Variants in MTA3 observed in about 807,000 individuals in gnomAD.
The protein encoded by MTA3 is metastasis associated 1 family member 3, also known as metastasis-associated protein MTA3.
Under a neutral mutation model 83.5 loss-of-function variants are expected in MTA3, and 34 were observed. That is an observed-to-expected ratio of 0.41 (90% CI 0.31 to 0.54). MTA3 has a LOEUF of 0.54. Among genes scored for constraint, MTA3 ranks in the 20% least tolerant of loss-of-function variants. The pLI, the probability that MTA3 is intolerant of heterozygous loss-of-function variation, is 0.33. For synonymous variants in MTA3, 303 were observed against 252.7 expected (o/e 1.20, Z -1.89); for missense variants, 761 against 726.4 (o/e 1.05, Z -0.55).
chr2:42,748,408 C>G (rs2104600271), intron 16 of MTA3, among the ~76,000 whole-genome samples: 1 of 152,244 alleles, frequency 6.6e-6, no homozygotes, highest in South Asian at 2.1e-4. Context: ...AGTGTGTACT[C>G]TATTTGTCAT....
At chr2:42,531,039 A>C (rs940577987) in intron 2 of MTA3, among the ~76,000 whole-genome samples, 1 of 152,178 alleles carries the variant, frequency 6.6e-6, no homozygotes, top group Non-Finnish European at 1.5e-5. Context: ...CATGTTGGCC[A>C]GGCTGGTCCT....
chr2:42,560,592 A>AACACAC (rs368564576), intron 2 of MTA3, among the ~76,000 whole-genome samples: 1,556 of 149,382 alleles, frequency 0.01, 20 homozygotes, highest in African/African-American at 0.035. Flanking sequence ...AAACAAACAA[A>AACACAC]ACACACACAC....
intron 6 of MTA3, among the ~76,000 whole-genome samples, chr2:42,645,696 A>C (rs1414472723): frequency 6.6e-6 from 1 of 152,300 alleles, no homozygotes; most frequent in Middle Eastern, 3.4e-3. Flanking sequence ...AATTCTGTGA[A>C]GACTGAGAGG....
chr2:42,717,231 T>C (rs1667094908), intron 14 of MTA3, among the ~76,000 whole-genome samples: 2 of 150,914 alleles, frequency 1.3e-5, no homozygotes, highest in Admixed American at 6.6e-5. Flanking sequence ...ATTTTAACTC[T>C]AGTAGAGCAA....
At chr2:42,711,128 T>C (rs1417045802) in intron 14 of MTA3, among the ~76,000 whole-genome samples, 1 of 152,014 alleles carries the variant, frequency 6.6e-6, no homozygotes, top group African/African-American at 2.4e-5. Context: ...AGAATGAAAA[T>C]GAATGAGACT....
chr2:42,672,003 C>G (rs1331712384), intron 8 of MTA3, among the ~76,000 whole-genome samples: 1 of 152,184 alleles, frequency 6.6e-6, no homozygotes, highest in Non-Finnish European at 1.5e-5. Context: ...TTACACTTTT[C>G]AGAGGGATCA....
chr2:42,687,177 C>T (rs966040359), intron 9 of MTA3, among the ~76,000 whole-genome samples: 1 of 152,124 alleles, frequency 6.6e-6, no homozygotes, highest in Admixed American at 6.6e-5. Flanking sequence ...ACAGTTTCAT[C>T]ACCTCTCCCG....
At chr2:42,515,870 G>A (rs1281279746) in intron 2 of MTA3, among the ~76,000 whole-genome samples, 4 of 138,746 alleles carry the variant, frequency 2.9e-5, no homozygotes, top group Admixed American at 7.5e-5. Context: ...CAAGAGTCTC[G>A]CTCTGTCATT....
At chr2:42,667,572 G>GTGTGTGTGTGTGTGTGTGTGTGTT (rs1558562134) in intron 8 of MTA3, among the ~76,000 whole-genome samples, 24 of 20,244 alleles carry the variant, frequency 1.2e-3, no homozygotes, top group African/African-American at 3.0e-3. Context: ...TTTAAAAATT[G>GTGTGTGTGTGTGTGTGTGTGTGTT]TGTGTGTGTG....
intron 16 of MTA3, among the ~76,000 whole-genome samples, chr2:42,725,268 A>G (rs963973444): frequency 6.6e-6 from 1 of 152,230 alleles, no homozygotes; most frequent in Admixed American, 6.5e-5. Context: ...TGATTGAGAA[A>G]AATGAGACCT....
chr2:42,742,341 G>C (rs1303214480), intron 16 of MTA3, among the ~76,000 whole-genome samples: 1 of 152,042 alleles, frequency 6.6e-6, no homozygotes, highest in Non-Finnish European at 1.5e-5. Flanking sequence ...CTTTCACCAT[G>C]TTGGCCAGGT....
At chr2:42,589,138 T>G (rs891243746) in intron 3 of MTA3, among the ~76,000 whole-genome samples, 2 of 152,152 alleles carry the variant, frequency 1.3e-5, no homozygotes, top group African/African-American at 4.8e-5. Flanking sequence ...GTTTAGATAG[T>G]TTGACACATA....
At chr2:42,531,135 T>C (rs1056276533) in intron 2 of MTA3, among the ~76,000 whole-genome samples, 1 of 152,166 alleles carries the variant, frequency 6.6e-6, no homozygotes, top group Non-Finnish European at 1.5e-5. Context: ...CGGCCCCATG[T>C]GGCAGTATTA....
At chr2:42,568,231 G>T (rs1156647438), upstream of MTA3, 1 of 153,218 alleles carries the variant, frequency 6.5e-6, no homozygotes, top group Non-Finnish European at 1.5e-5. Context: ...ACAGAGGTAG[G>T]GAAGGAGGAC....
intron 8 of MTA3, among the ~76,000 whole-genome samples, chr2:42,660,592 A>G (rs1442538322): frequency 1.3e-5 from 2 of 152,252 alleles, no homozygotes; most frequent in Middle Eastern, 3.4e-3. Context: ...TTGCTGATTG[A>G]AGTTACTTAC....
At chr2:42,658,864 C>T (rs1388190758) in intron 7 of MTA3, among the ~76,000 whole-genome samples, 1 of 150,564 alleles carries the variant, frequency 6.6e-6, no homozygotes, top group Admixed American at 6.6e-5. Flanking sequence ...CACTTGAGCC[C>T]AGGAGTTTCA....
At chr2:42,498,077 A>G (rs980317335) in intron 2 of MTA3, among the ~76,000 whole-genome samples, 1 of 152,188 alleles carries the variant, frequency 6.6e-6, no homozygotes, top group Non-Finnish European at 1.5e-5. Context: ...AAAGCTTTAG[A>G]AATTGAAATA....
At chr2:42,609,205 A>G (rs1558494911) in intron 3 of MTA3, among the ~76,000 whole-genome samples, 2 of 151,620 alleles carry the variant, frequency 1.3e-5, no homozygotes, top group African/African-American at 4.8e-5. Context: ...TACTTTTTGT[A>G]TTTTTAGTAG....
chr2:42,616,149 T>G (rs932337233), intron 4 of MTA3, among the ~76,000 whole-genome samples: 27 of 151,004 alleles, frequency 1.8e-4, no homozygotes, highest in African/African-American at 6.1e-4. Context: ...CAACTCCGCC[T>G]CCCGGTTTCA....
Sources: allele counts gnomAD v4.1 joint callset (sites outside exome capture counted in the v4.1 genomes callset), GRCh38; gene constraint gnomAD v4.1.1; transcripts MANE v1.5; gene names NCBI Gene and HGNC (gene_info 2026-07-23, HGNC 2026-07-21).